Variants in CNNM4 observed in about 807,000 individuals in gnomAD.
The protein encoded by CNNM4 is cyclin and CBS domain divalent metal cation transport mediator 4.
CNNM4 carries 32 observed loss-of-function variants against 53.7 expected under a neutral mutation model. The ratio of observed to expected loss-of-function variants is 0.60; its 90% CI spans 0.45 to 0.80. The LOEUF is 0.80. Among genes scored for constraint, CNNM4 ranks in the 30% least tolerant of loss-of-function variants. The pLI, the probability that CNNM4 is intolerant of heterozygous loss-of-function variation, is 0.00. For missense variants in CNNM4, 784 were observed against 1,022.0 expected, an observed-to-expected ratio of 0.77 and a Z score of 3.17; for synonymous variants, 410 against 440.0, an observed-to-expected ratio of 0.93 and a Z score of 0.85.
intron 5 of CNNM4, among the ~76,000 whole-genome samples, chr2:96,806,198 T>G (rs933333013): frequency 6.6e-6 from 1 of 152,068 alleles, no homozygotes; most frequent in African/African-American, 2.4e-5. Flanking sequence ...CTTTTCAGTT[T>G]TATGAAAATA....
intron 1 of CNNM4, among the ~76,000 whole-genome samples, chr2:96,787,526 A>G (rs1311914121): frequency 1.3e-5 from 2 of 152,076 alleles, no homozygotes; most frequent in Admixed American, 6.6e-5. Context: ...AATATACCAG[A>G]TTTATTATAT....
In CNNM4 at chr2:96,810,147, G is replaced by A. The variant is rs200119917; in HGVS notation, c.*630G>A. The A allele has an allele frequency of 6.5e-6, 1 of 152,826 alleles. No homozygotes were observed. The highest frequency in any genetic ancestry group is 1.9e-4 in the East Asian group (1 of 5,194). 9.5% of individuals were successfully genotyped at this position (152,826 alleles called of 1,614,324 possible). On this transcript the variant is annotated 3_prime_UTR_variant, in exon 7 of 7. Coordinates refer to ENST00000377075, the MANE Select transcript of CNNM4 (RefSeq NM_020184.4). The surrounding 1 kb of genome is among the most constrained non-coding windows in gnomAD (Gnocchi z 4.1). ...GACAACGCTGAGGCCACGAGCTCCT[G>A]GGTAGCTGTGATCAGGGACATGATA...
At chr2:96,785,931 C>T (rs1015630109) in intron 1 of CNNM4, among the ~76,000 whole-genome samples, 3 of 151,598 alleles carry the variant, frequency 2.0e-5, no homozygotes, top group African/African-American at 7.3e-5. Context: ...ACTAAAAATA[C>T]AAAAAATTAG....
At chr2:96,773,603 G>A (rs1220722796) in intron 1 of CNNM4, among the ~76,000 whole-genome samples, 1 of 152,102 alleles carries the variant, frequency 6.6e-6, no homozygotes. Context: ...AGCACTTTGG[G>A]AGGTCGAGGT....
intron 1 of CNNM4, among the ~76,000 whole-genome samples, chr2:96,771,198 G>A (rs1392292752): frequency 6.6e-6 from 1 of 152,072 alleles, no homozygotes; most frequent in Non-Finnish European, 1.5e-5. Flanking sequence ...CTGTCGTGGA[G>A]AGGGTCAGAA....
chr2:96,783,394 GCTGGGACCCC>G (rs1406002753), intron 1 of CNNM4, among the ~76,000 whole-genome samples: 1 of 152,206 alleles, frequency 6.6e-6, no homozygotes, highest in Non-Finnish European at 1.5e-5. Flanking sequence ...TGGTAGGACT[GCTGGGACCCC>G]CTGCACCTCC....
rs2079163292 is a variant in CNNM4, at chr2:96,801,942, C to G, written c.1948+2294C>G. Reference sequence around the variant, plus strand: ...CCACTCATAGACACACAAACACACACCCATAGGCACACACCCATAGGCACA... The same window carrying G: ...CCACTCATAGACACACAAACACACAGCCATAGGCACACACCCATAGGCACA... On this transcript the variant is annotated intron_variant, in intron 5 of 6. Transcript: ENST00000377075. The surrounding 1 kb of genome is among the most constrained non-coding windows in gnomAD (Gnocchi z 5.6). Among the ~76,000 whole-genome samples the G allele has an allele frequency of 6.6e-6, 1 of 151,108 alleles. No homozygotes were observed. Among genetic ancestry groups the G allele is most frequent in the African/African-American group, 2.4e-5 (1 of 41,058 alleles).
intron 6 of CNNM4, chr2:96,809,108 C>T: frequency 9.3e-7 from 1 of 1,079,712 alleles, no homozygotes; most frequent in Non-Finnish European, 1.3e-6. Flanking sequence ...TCCTGAAGTG[C>T]TGGGATTACA....
At chr2:96,768,089 A>G (rs536861786) in intron 1 of CNNM4, among the ~76,000 whole-genome samples, 3 of 152,230 alleles carry the variant, frequency 2.0e-5, no homozygotes, top group Non-Finnish European at 2.9e-5. Flanking sequence ...CGAAACAACA[A>G]CAACAACAAA....
chr2:96,798,741 C>T (rs572534683), intron 3 of CNNM4, among the ~76,000 whole-genome samples: 97 of 152,298 alleles, frequency 6.4e-4, no homozygotes, highest in African/African-American at 2.2e-3. Context: ...ACCCTCACAA[C>T]CACCCTGTGA....
chr2:96,805,098 C>G (rs539341550), intron 5 of CNNM4, among the ~76,000 whole-genome samples: 1 of 152,184 alleles, frequency 6.6e-6, no homozygotes, highest in African/African-American at 2.4e-5. Flanking sequence ...TAAAAGCATT[C>G]CATCATTCAG....
At chr2:96,767,616 T>G (rs760205972) in intron 1 of CNNM4, among the ~76,000 whole-genome samples, 3 of 152,160 alleles carry the variant, frequency 2.0e-5, no homozygotes, top group East Asian at 1.9e-4. Flanking sequence ...TTTAAACACC[T>G]TATCTTTCCC....
chr2:96,798,944 G>A lies in CNNM4; in HGVS notation c.1682-113G>A. On this transcript the variant is annotated intron_variant, in intron 3 of 6. Transcript: ENST00000377075. ...AACGAGGGCCGGCCGAGCAGGGCGG[G>A]AGTCGTCTGAGCACAGCGTGGCTGC... The A allele has an allele frequency of 2.8e-6, 3 of 1,061,962 alleles. No individual in the cohort carries two copies. In the Admixed American group the frequency reaches 5.2e-5, roughly 18 times the overall value. The allele number at this position is 1,061,962 out of a possible 1,614,324, so 65.8% of individuals were successfully genotyped here.
intron 5 of CNNM4, among the ~76,000 whole-genome samples, chr2:96,807,575 AAG>A (rs935733185): frequency 1.3e-5 from 2 of 152,048 alleles, no homozygotes; most frequent in African/African-American, 4.8e-5. Context: ...AAACAAGAAA[AAG>A]AAAAAAAATT....
In CNNM4 at chr2:96,809,683, C is replaced by G; in HGVS notation, c.*166C>G. The G allele has an allele frequency of 1.6e-6, 1 of 640,692 alleles. No homozygotes were observed. The highest frequency in any genetic ancestry group is 2.7e-5 in the East Asian group (1 of 36,522). The allele number at this position is 640,692 out of a possible 1,614,324, so 39.7% of individuals were successfully genotyped here. On this transcript the variant is annotated 3_prime_UTR_variant, in exon 7 of 7. Transcript: ENST00000377075. ...GGGATCTGGCCTCTGCCAGGGACCT[C>G]TGAGTAGCTCTGAGGTGGCACTGTC...
chr2:96,779,566 C>T (rs1240264921), intron 1 of CNNM4, among the ~76,000 whole-genome samples: 2 of 151,138 alleles, frequency 1.3e-5, no homozygotes, highest in East Asian at 1.9e-4. Flanking sequence ...TTGAGAAGAT[C>T]CCTTTTCTCA....
In CNNM4 at chr2:96,809,554, G is replaced by A; in HGVS notation, c.*37G>A. On this transcript the variant is annotated 3_prime_UTR_variant, in exon 7 of 7. Coordinates refer to ENST00000377075, the MANE Select transcript of CNNM4 (RefSeq NM_020184.4). ...GGGGCCCCCTGCCCACCCTGCGGGG[G>A]CCTCCCCAGTGGGCCCACATGAAGA... The A allele has an allele frequency of 6.3e-7, 1 of 1,595,034 alleles. No individual in the cohort carries two copies.
At position 96,774,145 on chromosome 2, in the gene CNNM4, G is replaced by A. The variant is rs143475192; in HGVS notation, c.1402+11744G>A. The stretch of plus-strand genomic sequence containing the variant: ...ACTGCAGGAGCGTCATGTGAGGGCT[G>A]CCCTGTGGGAGGGGGCAGGGGAAGG... On this transcript the variant is annotated intron_variant, in intron 1 of 6. Transcript: ENST00000377075. Among the ~76,000 whole-genome samples the A allele has an allele frequency of 2.6e-5, 4 of 152,326 alleles. No homozygotes were observed. The East Asian group carries it at 7.7e-4, about 29-fold the overall frequency.
At chr2:96,765,201 G>A (rs1378925020) in intron 1 of CNNM4, among the ~76,000 whole-genome samples, 4 of 147,708 alleles carry the variant, frequency 2.7e-5, no homozygotes, top group African/African-American at 1.0e-4. Context: ...ATCTCGGCTC[G>A]CTGCAACCTC....
Sources: gnomAD v4.1 joint callset for allele counts (sites outside exome capture counted in the v4.1 genomes callset) on GRCh38, gnomAD v4.1.1 for gene constraint, Gnocchi (gnomAD v3.1) non-coding constraint, MANE v1.5 for transcripts, NCBI Gene and HGNC (gene_info 2026-07-23, HGNC 2026-07-21) for gene names.